Variants in VASP observed in about 807,000 individuals in gnomAD.
VASP encodes vasodilator-stimulated phosphoprotein.
VASP carries 27 observed loss-of-function variants against 54.4 expected under a neutral mutation model. The observed-to-expected ratio is 0.50, with a 90% CI of 0.37 to 0.68. The LOEUF (loss-of-function observed/expected upper bound fraction) is 0.68. Ranked by LOEUF, VASP falls within the 30% of genes least tolerant of loss-of-function variation. The pLI is 0.00. For missense variants in VASP, 488 were observed against 528.3 expected, an observed-to-expected ratio of 0.92 and a Z score of 0.75; for synonymous variants, 233 against 209.8, an observed-to-expected ratio of 1.11 and a Z score of -0.96.
rs1223968987 is a variant in VASP, at chr19:45,525,251, C to CT, written c.1047+592dup. ...GGGCAACATCGGGAGACCCCCATCT[C>CT]TAAAAATAACTTTTAAAAGTTACCT... On this transcript the variant is annotated intron_variant, in intron 11 of 12. Coordinates refer to ENST00000245932, the MANE Select transcript of VASP (RefSeq NM_003370.4). Among the ~76,000 whole-genome samples, 15 of 152,172 alleles carry CT rather than the reference C, an allele frequency of 9.9e-5. No individual in the cohort carries two copies. The East Asian group carries it at 2.9e-3, about 29-fold the overall frequency.
chr19:45,521,646 T>C (rs553204358), intron 4 of VASP, among the ~76,000 whole-genome samples: 21 of 152,190 alleles, frequency 1.4e-4, no homozygotes, highest in Non-Finnish European at 3.1e-4. Flanking sequence ...CCCAGCACTC[T>C]GGGAGGCCGA....
At chr19:45,520,699 C>T (rs2122324699) in intron 3 of VASP, among the ~76,000 whole-genome samples, 1 of 152,292 alleles carries the variant, frequency 6.6e-6, no homozygotes, top group South Asian at 2.1e-4. Flanking sequence ...TGCGGTGGCT[C>T]ACGCCTGTAA....
At chr19:45,524,729 C>A in intron 11 of VASP, 69 bp downstream of exon 11, 2 of 1,440,696 alleles carry the variant, frequency 1.4e-6, no homozygotes, top group African/African-American at 1.4e-5. Context: ...ACTGGCATGC[C>A]GTATGATCCT....
At chr19:45,511,635 T>C (rs1169681323) in intron 1 of VASP, among the ~76,000 whole-genome samples, 1 of 152,192 alleles carries the variant, frequency 6.6e-6, no homozygotes, top group African/African-American at 2.4e-5. Context: ...CTCCTTTCCA[T>C]CTCACAGCCC....
chr19:45,512,680 A>C (rs1410038084), intron 1 of VASP, among the ~76,000 whole-genome samples: 1 of 151,348 alleles, frequency 6.6e-6, no homozygotes, highest in East Asian at 1.9e-4. Context: ...GCTCACTGCA[A>C]CCTCCGCCTC....
At chr19:45,522,643 C>T (rs1313084246) in intron 6 of VASP, 62 bp downstream of exon 6, 5 of 1,558,356 alleles carry the variant, frequency 3.2e-6, no homozygotes, top group African/African-American at 1.4e-5. Flanking sequence ...GAGGCCAGGG[C>T]TGCCGGCGGT....
chr19:45,521,435 T>A, intron 4 of VASP, 29 bp downstream of exon 4: 3 of 1,500,996 alleles, frequency 2.0e-6, no homozygotes, highest in Non-Finnish European at 2.7e-6. Context: ...TGGGGAACCT[T>A]AGCCGCTGCC....
intron 3 of VASP, among the ~76,000 whole-genome samples, chr19:45,519,567 G>C (rs1490216175): frequency 1.3e-5 from 2 of 151,352 alleles, no homozygotes; most frequent in African/African-American, 2.4e-5. Context: ...TGGGATTACA[G>C]GCATGAGCCA....
intron 1 of VASP, among the ~76,000 whole-genome samples, chr19:45,510,982 GAAAAAGA>G (rs1968590644): frequency 6.9e-6 from 1 of 144,348 alleles, no homozygotes; most frequent in Non-Finnish European, 1.5e-5. Flanking sequence ...TCTTAATGAA[GAAAAAGA>G]AAAAAAAAAA....
intron 1 of VASP, among the ~76,000 whole-genome samples, chr19:45,509,910 T>A (rs1045075085): frequency 5.9e-5 from 9 of 152,260 alleles, no homozygotes; most frequent in Non-Finnish European, 1.2e-4. Context: ...CTGGGGACAG[T>A]CCTGGGGGCA....
intron 4 of VASP, 131 bp downstream of exon 4, chr19:45,521,537 CAG>C: frequency 1.3e-6 from 1 of 781,238 alleles, no homozygotes; most frequent in Non-Finnish European, 2.0e-6. Flanking sequence ...TTCTGACACT[CAG>C]AGTTGCAGAA....
chr19:45,508,351 G>C (rs28564597), intron 1 of VASP, among the ~76,000 whole-genome samples: 3,243 of 152,274 alleles, frequency 0.021, 123 homozygotes, highest in African/African-American at 0.075. Flanking sequence ...TGTGGAGGAG[G>C]CTGGTGTGAA....
intron 4 of VASP, among the ~76,000 whole-genome samples, chr19:45,521,870 CAG>C (rs1342543094): frequency 1.3e-5 from 2 of 150,236 alleles, no homozygotes; most frequent in South Asian, 2.1e-4. Context: ...GCCTGGGTGA[CAG>C]AGTCTCAAAA....
Position 45,507,616 on chromosome 19 carries a change from C to A in VASP, c.-156C>A, listed in dbSNP as rs1032226136. 2.2e-6 allele frequency: 2 copies of A among 907,088 alleles called. No individual in the cohort carries two copies. Among genetic ancestry groups the A allele is most frequent in the Admixed American group, 3.3e-5 (1 of 30,100 alleles). The allele number at this position is 907,088 out of a possible 1,614,324, so 56.2% of individuals were successfully genotyped here. A position where few individuals can be genotyped will look rare whatever the true frequency, so the allele number is the denominator to read the frequency against. ...CGGCGCCCGGAGACCCGCCCCGGCC[C>A]GGTCCACATTCTCCCCAGGAAGCCG... On this transcript the variant is annotated 5_prime_UTR_variant, in exon 1 of 13. Coordinates refer to ENST00000245932, the MANE Select transcript of VASP (RefSeq NM_003370.4). This position sits in a 1 kb window ranked among gnomAD's most constrained non-coding sequence, Gnocchi z 4.4.
chr19:45,518,138 T>C (rs1390388747), intron 3 of VASP, 44 bp downstream of exon 3: 1 of 1,594,050 alleles, frequency 6.3e-7, no homozygotes, highest in African/African-American at 1.3e-5. Context: ...AATGCGGCTG[T>C]GTGGCCTGGG....
intron 1 of VASP, among the ~76,000 whole-genome samples, chr19:45,517,327 A>G (rs1968723947): frequency 6.6e-6 from 1 of 151,626 alleles, no homozygotes; most frequent in African/African-American, 2.4e-5. Context: ...CTCTTCCTCC[A>G]GGTCCCCTGT....
At position 45,507,509 on chromosome 19, in the gene VASP, C is replaced by A; in HGVS notation, c.-263C>A. ...AGTAAGAGTAACACTGTAGCCGCCA[C>A]CGGCAAGGGGTGCGCGCTGGGGAGC... On this transcript the variant is annotated 5_prime_UTR_variant, in exon 1 of 13. Transcript: ENST00000245932. The surrounding 1 kb of genome is among the most constrained non-coding windows in gnomAD (Gnocchi z 4.4). The A allele has an allele frequency of 2.0e-6, 1 of 499,704 alleles. No homozygotes were observed. The highest frequency in any genetic ancestry group is 2.7e-5 in the South Asian group (1 of 37,118). The allele number at this position is 499,704 out of a possible 1,614,324, so 31.0% of individuals were successfully genotyped here. A position where few individuals can be genotyped will look rare whatever the true frequency, so the allele number is the denominator to read the frequency against.
At chr19:45,512,578 G>T (rs1968621247) in intron 1 of VASP, among the ~76,000 whole-genome samples, 1 of 150,858 alleles carries the variant, frequency 6.6e-6, no homozygotes, top group African/African-American at 2.4e-5. Context: ...TTGAGCCACT[G>T]CGCCTAGCCT....
At chr19:45,520,097 T>TC (rs1040255723) in intron 3 of VASP, among the ~76,000 whole-genome samples, 1 of 151,938 alleles carries the variant, frequency 6.6e-6, no homozygotes, top group Non-Finnish European at 1.5e-5. Flanking sequence ...AGACGGGGTT[T>TC]CGCAGTGTTG....
Sources: allele counts gnomAD v4.1 joint callset (sites outside exome capture counted in the v4.1 genomes callset), GRCh38; gene constraint gnomAD v4.1.1; non-coding constraint Gnocchi (gnomAD v3.1); transcripts MANE v1.5; gene names NCBI Gene and HGNC (gene_info 2026-07-23, HGNC 2026-07-21).